The following KLRG1 variants were observed in gnomAD, a reference collection of about 807,000 sequenced individuals.
KLRG1 encodes the protein killer cell lectin like receptor G1.
Under a neutral mutation model 21.8 loss-of-function variants are expected in KLRG1, and 16 were observed. The observed-to-expected ratio is 0.73, with a 90% confidence interval of 0.50 to 1.11. The LOEUF (loss-of-function observed/expected upper bound fraction) is 1.11, where lower values mean the gene tolerates loss of function less well. Ranked by LOEUF, KLRG1 falls within the 50% of genes most tolerant of loss-of-function variation. KLRG1 has a pLI of 0.00. For missense variants in KLRG1, 173 were observed against 218.3 expected (o/e 0.79, Z 1.31); for synonymous variants, 69 against 75.9 (o/e 0.91, Z 0.47).
the KLRG1 span, chr12:9,069,100 T>C: frequency 3.5e-6 from 1 of 287,582 alleles, no homozygotes; most frequent in Non-Finnish European, 6.4e-6. Flanking sequence ...TGATATATAC[T>C]TTTTATTGGA....
intron 1 of KLRG1, among the ~76,000 whole-genome samples, chr12:8,951,907 A>G (rs1005522950): frequency 2.6e-5 from 4 of 152,180 alleles, no homozygotes; most frequent in Non-Finnish European, 5.9e-5. Context: ...CTGCTGTCAG[A>G]GTGGAAGCAG....
At chr12:9,091,384 G>A in the KLRG1 span, 2 of 1,614,192 alleles carry the variant, frequency 1.2e-6, no homozygotes, top group Non-Finnish European at 1.7e-6. Context: ...TCCACTCGGT[G>A]ATGGTGTCAG....
chr12:9,213,454 C>T, the KLRG1 span, among the ~76,000 whole-genome samples: 1 of 152,072 alleles, frequency 6.6e-6, no homozygotes, highest in Non-Finnish European at 1.5e-5. Flanking sequence ...AGTGTATGAA[C>T]ATCCCATTTT....
the KLRG1 span, among the ~76,000 whole-genome samples, chr12:9,201,550 A>G: frequency 6.6e-6 from 1 of 152,192 alleles, no homozygotes; most frequent in Admixed American, 6.5e-5. Context: ...AATTATTATT[A>G]TGTGTTGCCA....
At chr12:9,054,548 C>T in the KLRG1 span, among the ~76,000 whole-genome samples, 6 of 139,852 alleles carry the variant, frequency 4.3e-5, no homozygotes, top group African/African-American at 1.2e-4. Context: ...TCACATTAAA[C>T]GTTTATTATT....
the KLRG1 span, among the ~76,000 whole-genome samples, chr12:9,133,927 TAAAG>T: frequency 2.0e-5 from 3 of 152,110 alleles, no homozygotes; most frequent in African/African-American, 7.2e-5. Context: ...AGAGATCTGA[TAAAG>T]AAGAAGATAT....
chr12:9,180,922 G>T, the KLRG1 span: 6 of 1,543,028 alleles, frequency 3.9e-6, no homozygotes, highest in Non-Finnish European at 4.3e-6. Flanking sequence ...GCTAATAGAG[G>T]CTTCTTGATC....
chr12:9,148,686 A>G, the KLRG1 span, among the ~76,000 whole-genome samples: 1 of 152,078 alleles, frequency 6.6e-6, no homozygotes, highest in Non-Finnish European at 1.5e-5. Context: ...CTGAATTTTC[A>G]TTCAATTTCT....
the KLRG1 span, among the ~76,000 whole-genome samples, chr12:9,175,688 C>A: frequency 6.6e-6 from 1 of 152,100 alleles, no homozygotes; most frequent in Non-Finnish European, 1.5e-5. Context: ...TACATACAGC[C>A]AACAAACATA....
Position 9,010,086 on chromosome 12 carries a change from T to A in KLRG1, c.*549T>A, listed in dbSNP as rs1947599017. ...CTGTAGTCCTAGCTATTTGGGAAGC[T>A]GAGGTGGGAGGGTCGCTTGAGCCCA... On this transcript the variant is annotated 3_prime_UTR_variant, in exon 5 of 5. Transcript: ENST00000356986. 2.1e-5 allele frequency: 30 copies of A among 1,418,864 alleles called. No individual in the cohort carries two copies. The South Asian group carries it at 3.7e-4, about 17-fold the overall frequency. 87.9% of individuals were successfully genotyped at this position (1,418,864 alleles called of 1,614,324 possible).
At chr12:8,966,794 A>G (rs1430681664) in intron 1 of KLRG1, among the ~76,000 whole-genome samples, 2 of 144,448 alleles carry the variant, frequency 1.4e-5, no homozygotes, top group African/African-American at 2.5e-5. Context: ...TCAGGGATCT[A>G]GAACTAGAAA....
At chr12:9,159,790 C>T in the KLRG1 span, 1 of 706,482 alleles carries the variant, frequency 1.4e-6, no homozygotes, top group South Asian at 2.0e-5. Flanking sequence ...TATCAGCCTT[C>T]ATAGCTATAA....
chr12:9,127,823 C>T, the KLRG1 span: 2 of 228,760 alleles, frequency 8.7e-6, no homozygotes, highest in Non-Finnish European at 9.1e-6. Context: ...CTGGAGGAGG[C>T]CGGGTGAGCT....
At chr12:9,186,682 T>A in the KLRG1 span, among the ~76,000 whole-genome samples, 1 of 151,930 alleles carries the variant, frequency 6.6e-6, no homozygotes. Flanking sequence ...TAAAAAAGGA[T>A]GAGTTCATGT....
chr12:9,112,770 C>G, the KLRG1 span: 1 of 511,486 alleles, frequency 2.0e-6, no homozygotes, highest in Non-Finnish European at 3.5e-6. Context: ...GAGATTCACA[C>G]CTTCATACAG....
At chr12:9,177,685 A>C in the KLRG1 span, among the ~76,000 whole-genome samples, 1 of 152,248 alleles carries the variant, frequency 6.6e-6, no homozygotes, top group Non-Finnish European at 1.5e-5. Flanking sequence ...ATTATTATTC[A>C]AAGCGACCAC....
the KLRG1 span, chr12:9,162,795 A>G: frequency 1.5e-6 from 1 of 673,300 alleles, no homozygotes; most frequent in South Asian, 1.9e-5. Flanking sequence ...TTTAAGTTCA[A>G]GGGGACATGT....
At chr12:9,111,946 AACTG>A in the KLRG1 span, 1 of 723,212 alleles carries the variant, frequency 1.4e-6, no homozygotes, top group Admixed American at 1.8e-5. Context: ...ATTGTGTGAC[AACTG>A]ACTGAGTACC....
At chr12:9,203,144 G>T in the KLRG1 span, among the ~76,000 whole-genome samples, 1 of 152,058 alleles carries the variant, frequency 6.6e-6, no homozygotes, top group African/African-American at 2.4e-5. Flanking sequence ...TGTCCAGCCC[G>T]ATCCTTAAAG....
Sources: allele counts gnomAD v4.1 joint callset (sites outside exome capture counted in the v4.1 genomes callset), GRCh38; gene constraint gnomAD v4.1.1; transcripts MANE v1.5; gene names NCBI Gene and HGNC (gene_info 2026-07-23, HGNC 2026-07-21).